Variants in UNC80 observed in about 807,000 individuals in gnomAD.
UNC80 encodes the protein protein unc-80 homolog.
Under a neutral mutation model 384.6 loss-of-function variants are expected in UNC80, and 164 were observed. The observed-to-expected ratio is 0.43, with a 90% confidence interval of 0.38 to 0.49. UNC80 has a LOEUF of 0.49. UNC80 is among the 20% of genes least tolerant of loss of function. UNC80 has a pLI of 0.00. For synonymous variants in UNC80, 1,486 were observed against 1,527.8 expected (o/e 0.97, Z 0.64); for missense variants, 3,330 against 4,143.0 (o/e 0.80, Z 5.39).
At chr2:209,782,252 A>C (rs1344907099) in intron 4 of UNC80, among the ~76,000 whole-genome samples, 1 of 152,220 alleles carries the variant, frequency 6.6e-6, no homozygotes, top group Non-Finnish European at 1.5e-5. Flanking sequence ...TTAGTCTGGT[A>C]AACTGGGCCC....
chr2:209,898,174 T>A (rs1250494232), intron 28 of UNC80, among the ~76,000 whole-genome samples: 4 of 152,088 alleles, frequency 2.6e-5, no homozygotes, highest in Non-Finnish European at 5.9e-5. Context: ...AGAACCAGAT[T>A]TTCATTTTGT....
intron 29 of UNC80, 62 bp from the exon 30 acceptor site, chr2:209,912,498 A>T: frequency 8.7e-7 from 1 of 1,154,862 alleles, no homozygotes; most frequent in East Asian, 2.8e-5. Flanking sequence ...GCGGGGACAT[A>T]TAGCACTGTT....
rs1310882280 is a variant in UNC80 at position 209,904,840 on chromosome 2, C to T, written c.4657C>T (p.His1553Tyr). ...VDYCHPHCYLHHSRSCARLVR... is the reference protein window; with the variant it reads ...VDYCHPHCYLYHSRSCARLVR... ...CTACTGCCATCCCCACTGCTACCTG[C>T]ACCACAGCCGCTCCTGTGCCCGACT... Residue 1553 changes from histidine (H) to tyrosine (Y), a missense_variant, in exon 29 of 65, where the codon CAC becomes TAC. By Grantham distance (83) the His-to-Tyr change is moderately conservative. Coordinates refer to ENST00000673920, the MANE Select transcript of UNC80 (RefSeq NM_001371986.1). 3 of 1,551,852 alleles carry T rather than the reference C, an allele frequency of 1.9e-6. No homozygotes were observed. Among genetic ancestry groups the T allele is most frequent in the Non-Finnish European group, 2.6e-6 (3 of 1,147,024 alleles).
At chr2:209,797,847 C>T (rs2078265498) in intron 7 of UNC80, among the ~76,000 whole-genome samples, 1 of 152,144 alleles carries the variant, frequency 6.6e-6, no homozygotes, top group African/African-American at 2.4e-5. Context: ...TTGAAAATCG[C>T]CATTCTGACT....
At chr2:209,942,201 C>T (rs1355883330) in intron 44 of UNC80, among the ~76,000 whole-genome samples, 1 of 152,144 alleles carries the variant, frequency 6.6e-6, no homozygotes, top group Admixed American at 6.5e-5. Context: ...GCCTGATGAT[C>T]TGAGGTGGAA....
intron 14 of UNC80, 128 bp from the exon 15 acceptor site, chr2:209,829,104 G>A (rs1295415287): frequency 1.9e-6 from 2 of 1,063,540 alleles, no homozygotes; most frequent in Admixed American, 2.5e-5. Flanking sequence ...GGCTAGCAGG[G>A]TTGCCTGTCA....
At position 209,782,074 on chromosome 2, in the gene UNC80, A is replaced by G. The variant is rs182569272; in HGVS notation, c.601-3992A>G. Among the ~76,000 whole-genome samples the G allele has an allele frequency of 5.9e-5, 9 of 152,260 alleles. No individual in the cohort carries two copies. In the East Asian group the frequency reaches 7.7e-4, roughly 13 times the overall value. On this transcript the variant is annotated intron_variant, in intron 4 of 64. Transcript: ENST00000673920. ...AACCCAAGCTTGTATCATATCTTAC[A>G]TGGACCCTTTACTTGAGCCACTTTC...
Position 209,998,611 on chromosome 2 carries a change from C to T in UNC80, c.*3016C>T, listed in dbSNP as rs566977161. 1.8e-4 allele frequency: 27 copies of T among 152,374 alleles called. No homozygotes were observed. The highest frequency in any genetic ancestry group is 5.3e-4 in the African/African-American group (22 of 41,566). The allele number at this position is 152,374 out of a possible 1,614,324, so 9.4% of individuals were successfully genotyped here. On this transcript the variant is annotated 3_prime_UTR_variant, in exon 65 of 65. Coordinates refer to ENST00000673920, the MANE Select transcript of UNC80 (RefSeq NM_001371986.1). ...CCTTTAGTCAACAAAGAACTTTCTCCACTCTGCTGCCCAGCTCTGAGAGTA... is the reference window on the plus strand; with the variant it reads ...CCTTTAGTCAACAAAGAACTTTCTCTACTCTGCTGCCCAGCTCTGAGAGTA...
chr2:209,955,727 A>G (rs1273815520), intron 48 of UNC80, among the ~76,000 whole-genome samples: 59 of 88,140 alleles, frequency 6.7e-4, no homozygotes, highest in African/African-American at 4.8e-3. Flanking sequence ...ATATATATAT[A>G]TATATATATA....
intron 28 of UNC80, among the ~76,000 whole-genome samples, chr2:209,900,503 G>C (rs1310963548): frequency 6.6e-6 from 1 of 152,150 alleles, no homozygotes; most frequent in African/African-American, 2.4e-5. Flanking sequence ...CCATGGACCA[G>C]CTGCTTCTTG....
chr2:209,845,972 GCT>G (rs1426821604), intron 21 of UNC80, among the ~76,000 whole-genome samples: 1 of 147,482 alleles, frequency 6.8e-6, no homozygotes, highest in Admixed American at 6.8e-5. Flanking sequence ...TTTCTTTCTT[GCT>G]CTCTCTCTTC....
At position 209,820,698 on chromosome 2, in the gene UNC80, A is replaced by G. The variant is rs1204683509; in HGVS notation, c.2331+19A>G. 1 of 1,496,200 alleles carries G rather than the reference A, an allele frequency of 6.7e-7. No homozygotes were observed. Among genetic ancestry groups the G allele is most frequent in the East Asian group, 2.5e-5 (1 of 40,538 alleles). The allele number at this position is 1,496,200 out of a possible 1,614,324, so 92.7% of individuals were successfully genotyped here. A position where few individuals can be genotyped will look rare whatever the true frequency, so the allele number is the denominator to read the frequency against. On this transcript the variant is annotated intron_variant, in intron 13 of 64. Transcript: ENST00000673920. ...AGAGAAGGTATGACTGAACCACCTT[A>G]TGTGTCCTCATGAAATGTCATACCT...
At chr2:209,885,482 AATTATT>A (rs1393213955) in intron 25 of UNC80, among the ~76,000 whole-genome samples, 3 of 152,282 alleles carry the variant, frequency 2.0e-5, no homozygotes, top group South Asian at 2.1e-4. Flanking sequence ...TGTGAATCAG[AATTATT>A]ATATGATTGC....
Position 209,970,872 on chromosome 2 carries a change from T to A in UNC80, c.8171T>A (p.Leu2724Ter), listed in dbSNP as rs2092864220. ...VVGPSSVADG[L>*]PLLHLSPYLS... Reference sequence around the variant, plus strand: ...GGACCTTCCAGTGTTGCTGATGGATTACCCCTTCTTCATCTCAGCCCTTAT... The same window carrying A: ...GGACCTTCCAGTGTTGCTGATGGATAACCCCTTCTTCATCTCAGCCCTTAT... Residue 2724 changes from leucine (L) to a stop codon, truncating the protein, a stop_gained, in exon 54 of 65, where the codon TTA (leucine) becomes TAA (stop). Transcript: ENST00000673920. LOFTEE classifies it high-confidence loss of function. 1 of 1,551,602 alleles carries A rather than the reference T, an allele frequency of 6.4e-7. No homozygotes were observed. Among genetic ancestry groups the A allele is most frequent in the Non-Finnish European group, 8.7e-7 (1 of 1,146,986 alleles).
In UNC80 at chr2:209,976,157, G is replaced by A. The variant is rs780354071; in HGVS notation, c.8626G>A (p.Gly2876Arg). 2.6e-6 allele frequency: 4 copies of A among 1,551,646 alleles called. No individual in the cohort carries two copies. The highest frequency in any genetic ancestry group is 1.2e-5 in the South Asian group (1 of 84,062). Reference protein sequence around the residue: ...VILVCFERQLGSQWYWLSLQV... With the variant: ...VILVCFERQLRSQWYWLSLQV... ...TCTCGTCTGCTTTGAGAGGCAGCTC[G>A]GAAGCCAGTGGTACTGGCTGAGCCT... Residue 2876 changes from glycine to arginine, a missense_variant, in exon 57 of 65, where the codon GGA (glycine) becomes AGA (arginine). Coordinates refer to ENST00000673920, the MANE Select transcript of UNC80 (RefSeq NM_001371986.1). The surrounding 1 kb of genome is among the most constrained non-coding windows in gnomAD (Gnocchi z 4.3).
At chr2:209,838,215 CCCACTGGG>C (rs2081477174) in intron 18 of UNC80, among the ~76,000 whole-genome samples, 1 of 152,032 alleles carries the variant, frequency 6.6e-6, no homozygotes, top group African/African-American at 2.4e-5. Context: ...ATTTTACCTC[CCCACTGGG>C]AGTATAATAG....
chr2:209,974,660 C>G (rs1419498777), intron 56 of UNC80, among the ~76,000 whole-genome samples: 1 of 152,358 alleles, frequency 6.6e-6, no homozygotes, highest in South Asian at 2.1e-4. Context: ...CTCAATAACT[C>G]TAAGAAGTTA....
At chr2:209,789,436 A>G (rs1042341738) in intron 5 of UNC80, 96 bp from the exon 6 acceptor site, 1 of 823,234 alleles carries the variant, frequency 1.2e-6, no homozygotes, top group Non-Finnish European at 2.0e-6. Flanking sequence ...ATAATGTTCT[A>G]TTAAAATAGC....
At chr2:209,860,767 C>T (rs2083288826) in intron 22 of UNC80, among the ~76,000 whole-genome samples, 1 of 152,120 alleles carries the variant, frequency 6.6e-6, no homozygotes, top group African/African-American at 2.4e-5. Context: ...TCTTCACATC[C>T]CTTGTTAGCT....
Sources: allele counts gnomAD v4.1 joint callset (sites outside exome capture counted in the v4.1 genomes callset), GRCh38; gene constraint gnomAD v4.1.1; non-coding constraint Gnocchi (gnomAD v3.1); transcripts MANE v1.5; gene names NCBI Gene and HGNC (gene_info 2026-07-23, HGNC 2026-07-21).